Variants in TRPV5 observed in about 807,000 individuals in gnomAD.
TRPV5 encodes the protein transient receptor potential cation channel subfamily V member 5, also known as calcium transport protein 2.
In TRPV5, 66 loss-of-function variants were observed where a neutral mutation model predicts 74.1. That is an observed-to-expected ratio of 0.89 (90% confidence interval 0.73 to 1.09). The LOEUF is 1.09. Among genes scored for constraint, TRPV5 ranks in the 50% least tolerant of loss-of-function variants. TRPV5 has a pLI of 0.00. For missense variants in TRPV5, 936 were observed against 930.4 expected, an observed-to-expected ratio of 1.01 and a Z score of -0.08; for synonymous variants, 399 against 360.7, an observed-to-expected ratio of 1.11 and a Z score of -1.20.
intron 8 of TRPV5, among the ~76,000 whole-genome samples, chr7:142,918,738 G>T (rs1326587570): frequency 6.6e-6 from 1 of 152,196 alleles, no homozygotes; most frequent in Non-Finnish European, 1.5e-5. Flanking sequence ...AAAACTGGTT[G>T]TCCCCTGTGA....
At position 142,928,166 on chromosome 7, in the gene TRPV5, G is replaced by C. The variant is rs1315218870; in HGVS notation, c.831C>G (p.Leu277=). The C allele has an allele frequency of 3.7e-6, 6 of 1,614,050 alleles. No individual in the cohort carries two copies. The highest frequency in any genetic ancestry group is 1.7e-5 in the Admixed American group (1 of 60,002). ...QWTYGPLTSI[L]YDLTEIDSWG... ...AGGAGTCGATCTCCGTGAGGTCGTA[G>C]AGAATGGAGGTCAGGGGTCCATACG... The change falls in exon 7 of 15, where the codon CTC becomes CTG. Residue 277 remains leucine, a synonymous_variant. Transcript: ENST00000265310.
At position 142,929,077 on chromosome 7, in the gene TRPV5, C is replaced by T. The variant is rs771238292; in HGVS notation, c.531G>A (p.Glu177=). 3 of 1,614,018 alleles carry T rather than the reference C, an allele frequency of 1.9e-6. No individual in the cohort carries two copies. In the African/African-American group the frequency reaches 4.0e-5, roughly 22 times the overall value. ...CATGCTCAATGAGCAGCCGCACGAT[C>T]TCCTCGCTGTTCACACAGGCAGCAA... ...LSFAACVNSE[E]IVRLLIEHGA... Residue 177 remains glutamate, a synonymous_variant, in exon 5 of 15, where the codon GAG becomes GAA. Coordinates refer to ENST00000265310, the MANE Select transcript of TRPV5 (RefSeq NM_019841.7).
Position 142,929,952 on chromosome 7 carries a change from C to T in TRPV5, c.349+106G>A. 1.9e-6 allele frequency: 3 copies of T among 1,562,750 alleles called. No individual in the cohort carries two copies. The South Asian group carries it at 3.4e-5, about 18-fold the overall frequency. On this transcript the variant is annotated intron_variant, in intron 3 of 14. Coordinates refer to ENST00000265310, the MANE Select transcript of TRPV5 (RefSeq NM_019841.7). Reference sequence around the variant, plus strand: ...CTCAACGGAGCCCATCCTCCTGACCCTCCATCACCCCACCCCAACCCATCC... The same window carrying T: ...CTCAACGGAGCCCATCCTCCTGACCTTCCATCACCCCACCCCAACCCATCC...
chr7:142,921,013 G>T (rs1795877530), intron 8 of TRPV5, among the ~76,000 whole-genome samples: 1 of 152,206 alleles, frequency 6.6e-6, no homozygotes, highest in Non-Finnish European at 1.5e-5. Context: ...TGCTGTGCTT[G>T]TTCCACCATG....
In TRPV5 at chr7:142,928,160, G is replaced by A. The variant is rs556456821; in HGVS notation, c.837C>T (p.Asp279=). The A allele has an allele frequency of 3.7e-6, 6 of 1,614,074 alleles. No homozygotes were observed. The South Asian group carries it at 5.5e-5, about 15-fold the overall frequency. Residue 279 remains aspartate, a synonymous_variant, in exon 7 of 15, where the codon GAC becomes GAT. Coordinates refer to ENST00000265310, the MANE Select transcript of TRPV5 (RefSeq NM_019841.7). ...CTCCCCAGGAGTCGATCTCCGTGAGGTCGTAGAGAATGGAGGTCAGGGGTC... is the reference window on the plus strand; with the variant it reads ...CTCCCCAGGAGTCGATCTCCGTGAGATCGTAGAGAATGGAGGTCAGGGGTC... ...TYGPLTSILY[D]LTEIDSWGEE...
At chr7:142,917,381 G>A (rs1004360414) in intron 8 of TRPV5, among the ~76,000 whole-genome samples, 10 of 151,958 alleles carry the variant, frequency 6.6e-5, no homozygotes, top group East Asian at 1.9e-4. Context: ...TAAAAATGTC[G>A]TGTCTTGATT....
In TRPV5 at chr7:142,925,736, G is replaced by C; in HGVS notation, c.915C>G (p.Arg305=). The change falls in exon 8 of 15, where the codon CGC becomes CGG. Residue 305 remains arginine (R), a synonymous_variant. Coordinates refer to ENST00000265310, the MANE Select transcript of TRPV5 (RefSeq NM_019841.7). ...LVVSSDKREA[R]QILEQTPVKE... ...TCACTGGGGTCTGTTCCAGAATTTGGCGAGCCTGGCATGGAAGTAGAGTGA... is the reference window on the plus strand; with the variant it reads ...TCACTGGGGTCTGTTCCAGAATTTGCCGAGCCTGGCATGGAAGTAGAGTGA... The C allele has an allele frequency of 1.2e-6, 2 of 1,613,768 alleles. No homozygotes were observed. Among genetic ancestry groups the C allele is most frequent in the African/African-American group, 2.7e-5 (2 of 74,990 alleles).
intron 8 of TRPV5, among the ~76,000 whole-genome samples, chr7:142,924,053 T>C (rs1263599378): frequency 6.6e-6 from 1 of 151,834 alleles, no homozygotes; most frequent in Non-Finnish European, 1.5e-5. Flanking sequence ...ATCTCCTAAC[T>C]GTCCTTATTT....
At chr7:142,932,367 G>T (rs959595293) in intron 1 of TRPV5, among the ~76,000 whole-genome samples, 6 of 152,214 alleles carry the variant, frequency 3.9e-5, no homozygotes, top group African/African-American at 1.4e-4. Context: ...GTGGGGAGAT[G>T]AGGAAGCAGA....
chr7:142,915,116 A>G, intron 10 of TRPV5, 70 bp from the exon 11 acceptor site: 2 of 1,575,834 alleles, frequency 1.3e-6, no homozygotes, highest in East Asian at 2.3e-5. Context: ...CATAGTGGTG[A>G]CCGGGGTGGT....
rs1795965984 is a variant in TRPV5 at position 142,925,376 on chromosome 7, T to G, written c.1122+153A>C. 7.0e-6 allele frequency: 5 copies of G among 716,238 alleles called. No individual in the cohort carries two copies. The Admixed American group carries it at 9.2e-5, about 13-fold the overall frequency. 44.4% of individuals were successfully genotyped at this position (716,238 alleles called of 1,614,324 possible). A position where few individuals can be genotyped will look rare whatever the true frequency, so the allele number is the denominator to read the frequency against. On this transcript the variant is annotated intron_variant, in intron 8 of 14. Transcript: ENST00000265310. ...TGCTCATTAAACCCCATCTGTGGCC[T>G]CCTGGTCTCATGTCTAATTTCTACC...
Position 142,928,747 on chromosome 7 carries a change from G to T in TRPV5, c.706C>A (p.Pro236Thr). The change falls in exon 6 of 15, where the codon CCC becomes ACC. Residue 236 changes from proline (P) to threonine (T), a missense_variant. By Grantham distance (38) the Pro-to-Thr change is conservative. Coordinates refer to ENST00000265310, the MANE Select transcript of TRPV5 (RefSeq NM_019841.7). ...GDHLQPLDLV[P>T]NHQGLTPFKL... ...AAGGGGGTGAGACCCTGGTGATTGG[G>T]CACAAGGTCCAGGGGCTGCAGGTGG... 6.2e-7 allele frequency: 1 copy of T among 1,614,182 alleles called. No homozygotes were observed. The highest frequency in any genetic ancestry group is 1.1e-5 in the South Asian group (1 of 91,084).
At chr7:142,919,492 T>G (rs1188546714) in intron 8 of TRPV5, among the ~76,000 whole-genome samples, 1 of 152,200 alleles carries the variant, frequency 6.6e-6, no homozygotes, top group Non-Finnish European at 1.5e-5. Flanking sequence ...AATCGTGCTT[T>G]TCTGAAATTT....
In TRPV5 at chr7:142,929,013, A is replaced by G. The variant is rs938838478; in HGVS notation, c.586+9T>C. On this transcript the variant is annotated intron_variant, in intron 5 of 14. Transcript: ENST00000265310. ...GCATCCCAGCTCCCCTCCCCATCCCAGCTCTTACCCAGGGAGTCCTGGGCC... is the reference window on the plus strand; with the variant it reads ...GCATCCCAGCTCCCCTCCCCATCCCGGCTCTTACCCAGGGAGTCCTGGGCC... 5 of 1,613,704 alleles carry G rather than the reference A, an allele frequency of 3.1e-6. No individual in the cohort carries two copies. The highest frequency in any genetic ancestry group is 3.4e-6 in the Non-Finnish European group (4 of 1,179,922).
chr7:142,914,220 T>C (rs1296546729), intron 12 of TRPV5, among the ~76,000 whole-genome samples: 1 of 152,224 alleles, frequency 6.6e-6, no homozygotes, highest in Non-Finnish European at 1.5e-5. Flanking sequence ...TGTTGTTGAG[T>C]GCTTTAGGTT....
chr7:142,910,206 A>T (rs906667540), intron 13 of TRPV5, among the ~76,000 whole-genome samples: 12 of 152,260 alleles, frequency 7.9e-5, no homozygotes, highest in African/African-American at 2.7e-4. Flanking sequence ...CAACAGAAGC[A>T]ATATAAAATT....
At chr7:142,916,896 T>TC (rs1201844039) in intron 8 of TRPV5, among the ~76,000 whole-genome samples, 1 of 151,480 alleles carries the variant, frequency 6.6e-6, no homozygotes, top group Non-Finnish European at 1.5e-5. Context: ...TCAACACTTT[T>TC]TTTTTTCTTT....
intron 8 of TRPV5, among the ~76,000 whole-genome samples, chr7:142,921,239 C>T (rs922152534): frequency 5.3e-5 from 8 of 152,154 alleles, no homozygotes; most frequent in Non-Finnish European, 1.0e-4. Flanking sequence ...CCAATCCCTT[C>T]CCTCTATCTC....
intron 8 of TRPV5, among the ~76,000 whole-genome samples, chr7:142,919,564 C>G (rs1795851339): frequency 6.6e-6 from 1 of 152,198 alleles, no homozygotes; most frequent in South Asian, 2.1e-4. Context: ...AGAAGGTACT[C>G]CAATACATCC....
Sources: gnomAD v4.1 joint callset for allele counts (sites outside exome capture counted in the v4.1 genomes callset) on GRCh38, gnomAD v4.1.1 for gene constraint, MANE v1.5 for transcripts, NCBI Gene and HGNC (gene_info 2026-07-23, HGNC 2026-07-21) for gene names.